CADM1: variants seen among roughly 807,000 people sequenced by gnomAD.
CADM1 encodes the protein cell adhesion molecule 1, also known as TSLC-1.
In CADM1, 15 loss-of-function variants were observed where a neutral mutation model predicts 53.1. That is an observed-to-expected ratio of 0.28 (90% CI 0.19 to 0.44). The LOEUF (loss-of-function observed/expected upper bound fraction) is 0.44. Among genes scored for constraint, CADM1 ranks in the 20% least tolerant of loss-of-function variants. The probability of loss-of-function intolerance (pLI) is 1.00; values close to 1 mark genes in which losing one functional copy is unlikely to be tolerated. For missense variants in CADM1, 434 were observed against 611.3 expected, an observed-to-expected ratio of 0.71 and a Z score of 3.06; for synonymous variants, 281 against 243.0, an observed-to-expected ratio of 1.16 and a Z score of -1.45.
intron 5 of CADM1, 27 bp from the exon 6 acceptor site, chr11:115,218,018 T>C: frequency 6.5e-7 from 1 of 1,542,542 alleles, no homozygotes; most frequent in Non-Finnish European, 9.0e-7. Flanking sequence ...CAAAGTATAA[T>C]GTTTAGCAAA....
At chr11:115,395,419 A>G (rs1277047702) in intron 1 of CADM1, among the ~76,000 whole-genome samples, 2 of 152,218 alleles carry the variant, frequency 1.3e-5, no homozygotes, top group Admixed American at 6.5e-5. Flanking sequence ...TCATTTACAC[A>G]CATACTCACT....
intron 1 of CADM1, among the ~76,000 whole-genome samples, chr11:115,382,161 T>C (rs1008727770): frequency 6.6e-6 from 1 of 152,178 alleles, no homozygotes; most frequent in Non-Finnish European, 1.5e-5. Context: ...AGGATTTTAA[T>C]GTAAATATTA....
At chr11:115,372,948 C>T (rs1946344744) in intron 1 of CADM1, among the ~76,000 whole-genome samples, 1 of 152,192 alleles carries the variant, frequency 6.6e-6, no homozygotes, top group African/African-American at 2.4e-5. Flanking sequence ...ACCTGTTACT[C>T]CTTTGATTGT....
chr11:115,274,497 T>G (rs1943389897), intron 1 of CADM1, among the ~76,000 whole-genome samples: 1 of 152,236 alleles, frequency 6.6e-6, no homozygotes, highest in African/African-American at 2.4e-5. Flanking sequence ...AACTTGTTAA[T>G]ACAAAATCTT....
At chr11:115,455,729 C>G (rs915932858) in intron 1 of CADM1, among the ~76,000 whole-genome samples, 1 of 152,206 alleles carries the variant, frequency 6.6e-6, no homozygotes, top group Admixed American at 6.5e-5. Flanking sequence ...GCTCCTCCCC[C>G]TAAGAGGAAA....
intron 1 of CADM1, among the ~76,000 whole-genome samples, chr11:115,290,484 G>C (rs1183224595): frequency 6.6e-6 from 1 of 152,166 alleles, no homozygotes; most frequent in Non-Finnish European, 1.5e-5. Context: ...TTGTGATTTT[G>C]AGTAGGAAAT....
chr11:115,253,457 A>G (rs945561726), intron 1 of CADM1, among the ~76,000 whole-genome samples: 1 of 152,144 alleles, frequency 6.6e-6, no homozygotes, highest in Admixed American at 6.6e-5. Flanking sequence ...ACGGGACATA[A>G]TTTTCCCCTT....
chr11:115,186,103 G>C (rs1939534304), intron 10 of CADM1, among the ~76,000 whole-genome samples: 1 of 152,212 alleles, frequency 6.6e-6, no homozygotes, highest in South Asian at 2.1e-4. Flanking sequence ...ACACATCGTG[G>C]GGAAGTCGTG....
chr11:115,191,433 C>T (rs751709197), intron 9 of CADM1, among the ~76,000 whole-genome samples: 43 of 152,230 alleles, frequency 2.8e-4, no homozygotes, highest in Non-Finnish European at 4.6e-4. Flanking sequence ...CATCTGCTAA[C>T]TGCAGATTGC....
At chr11:115,376,993 T>C (rs896252715) in intron 1 of CADM1, among the ~76,000 whole-genome samples, 5 of 152,180 alleles carry the variant, frequency 3.3e-5, no homozygotes, top group African/African-American at 4.8e-5. Flanking sequence ...CACTTTAATG[T>C]CTAGCCGGCT....
intron 1 of CADM1, among the ~76,000 whole-genome samples, chr11:115,450,322 T>C (rs1948543711): frequency 6.6e-6 from 1 of 152,196 alleles, no homozygotes; most frequent in African/African-American, 2.4e-5. Context: ...CCAGGCCCAG[T>C]CACTCCTACT....
chr11:115,466,892 C>T lies in CADM1; in HGVS notation c.124+37379G>A, dbSNP rs1170083435. ...TTGCACAACCCACTTATATACACTG[C>T]GGAAAGCACCACCCGAACTTACAGG... On this transcript the variant is annotated intron_variant, in intron 1 of 11. Coordinates refer to ENST00000331581, the MANE Select transcript of CADM1 (RefSeq NM_001301043.2). Among the ~76,000 whole-genome samples, 21 of 152,112 alleles carry T rather than the reference C, an allele frequency of 1.4e-4. No homozygotes were observed. The East Asian group carries it at 4.0e-3, about 29-fold the overall frequency.
chr11:115,451,894 G>C (rs985988212), intron 1 of CADM1, among the ~76,000 whole-genome samples: 4 of 152,032 alleles, frequency 2.6e-5, no homozygotes, highest in African/African-American at 7.2e-5. Flanking sequence ...CCTGGAAAGA[G>C]TCAGGAGAGC....
chr11:115,323,266 T>C (rs1354350591), intron 1 of CADM1, among the ~76,000 whole-genome samples: 2 of 152,222 alleles, frequency 1.3e-5, no homozygotes, highest in Non-Finnish European at 2.9e-5. Context: ...TGAGCAACTT[T>C]TAGTCAACTA....
At chr11:115,469,544 A>G (rs1378239440) in intron 1 of CADM1, among the ~76,000 whole-genome samples, 1 of 152,016 alleles carries the variant, frequency 6.6e-6, no homozygotes, top group East Asian at 1.9e-4. Flanking sequence ...GAAACTGTAA[A>G]TTGTCTACAT....
At position 115,390,059 on chromosome 11, in the gene CADM1, T is replaced by C. The variant is rs220868; in HGVS notation, c.124+114212A>G. 4.6e-3 allele frequency among the ~76,000 whole-genome samples: 702 copies of C among 152,196 alleles called. 13 individuals are homozygous for C. Among genetic ancestry groups the C allele is most frequent in the African/African-American group, 0.016 (663 of 41,538 alleles). On this transcript the variant is annotated intron_variant, in intron 1 of 11. Transcript: ENST00000331581. ...TGTGCATCCACACATTCATGAGCCA[T>C]TAATGCCTCTTTTCTCCTTATTCTG...
chr11:115,272,105 A>G (rs929363542), intron 1 of CADM1, among the ~76,000 whole-genome samples: 1 of 151,500 alleles, frequency 6.6e-6, no homozygotes, highest in African/African-American at 2.4e-5. Context: ...ACTTGCAAAG[A>G]CCATTGCTCT....
rs12276048 is a variant in CADM1, at chr11:115,453,958, G to C, written c.124+50313C>G. ...AGATATATCCTTCTAGGTCTAGAAG[G>C]TCCTCCATTTGCTTTATGCCTTATC... is the stretch of plus-strand genomic sequence containing the variant. On this transcript the variant is annotated intron_variant, in intron 1 of 11. Transcript: ENST00000331581. Among the ~76,000 whole-genome samples the C allele has an allele frequency of 5.1e-3, 776 of 151,962 alleles. 6 individuals carry two copies. The highest frequency in any genetic ancestry group is 0.018 in the African/African-American group (744 of 41,420).
chr11:115,198,248 C>G (rs1165809345), intron 9 of CADM1, among the ~76,000 whole-genome samples, 158 bp downstream of exon 9: 1 of 152,180 alleles, frequency 6.6e-6, no homozygotes, highest in East Asian at 1.9e-4. Flanking sequence ...AATGACAAGA[C>G]TCGACATCTT....
Sources: gnomAD v4.1 joint callset for allele counts (sites outside exome capture counted in the v4.1 genomes callset) on GRCh38, gnomAD v4.1.1 for gene constraint, MANE v1.5 for transcripts, NCBI Gene and HGNC (gene_info 2026-07-23, HGNC 2026-07-21) for gene names.